The following SPOCK1 variants were observed in gnomAD, a reference collection of about 807,000 sequenced individuals.
SPOCK1 encodes SPARC (osteonectin), cwcv and kazal like domains proteoglycan 1.
Under a neutral mutation model 55.3 loss-of-function variants are expected in SPOCK1, and 23 were observed. The ratio of observed to expected loss-of-function variants is 0.42; its 90% CI spans 0.30 to 0.59. SPOCK1 has a LOEUF of 0.59. SPOCK1 is among the 20% of genes least tolerant of loss of function. The pLI is 0.22. For missense variants in SPOCK1, 499 were observed against 552.5 expected (o/e 0.90, Z 0.97); for synonymous variants, 226 against 221.0 (o/e 1.02, Z -0.20).
At chr5:137,323,531 T>C (rs2127147976) in intron 2 of SPOCK1, among the ~76,000 whole-genome samples, 1 of 151,514 alleles carries the variant, frequency 6.6e-6, no homozygotes, top group Non-Finnish European at 1.5e-5. Flanking sequence ...AAACAAACAT[T>C]GACATGACAT....
chr5:137,446,709 G>T (rs1030284895), intron 2 of SPOCK1, among the ~76,000 whole-genome samples: 1 of 152,126 alleles, frequency 6.6e-6, no homozygotes. Flanking sequence ...TAAGTTTACA[G>T]TTCACTACTG....
chr5:137,418,402 C>A (rs1321978822), intron 2 of SPOCK1, among the ~76,000 whole-genome samples: 2 of 152,160 alleles, frequency 1.3e-5, no homozygotes, highest in African/African-American at 4.8e-5. Flanking sequence ...AATGGTTGAA[C>A]TAGTTTACAG....
intron 6 of SPOCK1, among the ~76,000 whole-genome samples, chr5:137,014,321 C>G (rs753816418): frequency 1.3e-5 from 2 of 152,162 alleles, no homozygotes; most frequent in Non-Finnish European, 2.9e-5. Context: ...CGTGAGCCAA[C>G]TCAACCTCTT....
At chr5:137,295,733 A>C (rs1431739108) in intron 2 of SPOCK1, among the ~76,000 whole-genome samples, 2 of 152,138 alleles carry the variant, frequency 1.3e-5, no homozygotes. Context: ...AAAAAAAAAA[A>C]ATACATATTA....
intron 3 of SPOCK1, among the ~76,000 whole-genome samples, chr5:137,187,217 C>A (rs1189570068): frequency 6.6e-6 from 1 of 152,198 alleles, no homozygotes; most frequent in Non-Finnish European, 1.5e-5. Flanking sequence ...AGACATTTCT[C>A]TAGGCCCGAC....
At chr5:137,381,129 G>T (rs1375416720) in intron 2 of SPOCK1, among the ~76,000 whole-genome samples, 2 of 152,138 alleles carry the variant, frequency 1.3e-5, no homozygotes, top group Non-Finnish European at 2.9e-5. Flanking sequence ...GAGCAGGGCA[G>T]TAATTACATC....
At chr5:137,483,091 G>A (rs1227669208) in intron 2 of SPOCK1, among the ~76,000 whole-genome samples, 1 of 152,210 alleles carries the variant, frequency 6.6e-6, no homozygotes, top group African/African-American at 2.4e-5. Context: ...CCAGCACTTT[G>A]GAAGGCCGAG....
intron 6 of SPOCK1, among the ~76,000 whole-genome samples, chr5:136,996,874 C>G (rs1561574744): frequency 6.6e-6 from 1 of 152,076 alleles, no homozygotes; most frequent in African/African-American, 2.4e-5. Flanking sequence ...CAGCGGCAAC[C>G]CTCTCGGTTC....
At chr5:137,346,522 A>G (rs77261418) in intron 2 of SPOCK1, among the ~76,000 whole-genome samples, 5,345 of 152,350 alleles carry the variant, frequency 0.035, 109 homozygotes, top group South Asian at 0.045. Flanking sequence ...GTGAATGCAC[A>G]GCCTTTTCTA....
rs532062956 is a variant in SPOCK1 at position 137,456,052 on chromosome 5, AAGG to A, written c.186+42318_186+42320del. On this transcript the variant is annotated intron_variant, in intron 2 of 10. Coordinates refer to ENST00000394945, the MANE Select transcript of SPOCK1 (RefSeq NM_004598.4). ...CTAAAATGGAGGAGGAAGAAGAAAA[AAGG>A]AGGAGAAGGAAGAAAGAAGAAAAAG... is the stretch of plus-strand genomic sequence containing the variant. 3.4e-4 allele frequency among the ~76,000 whole-genome samples: 51 copies of A among 152,164 alleles called. No individual in the cohort carries two copies. In the East Asian group the frequency reaches 9.7e-3, roughly 29 times the overall value.
At chr5:137,317,445 A>G (rs1757898435) in intron 2 of SPOCK1, among the ~76,000 whole-genome samples, 1 of 152,178 alleles carries the variant, frequency 6.6e-6, no homozygotes, top group Non-Finnish European at 1.5e-5. Context: ...GACACTGGAG[A>G]GGACATGGGC....
rs192337490 is a variant in SPOCK1, at chr5:137,030,434, C to T, written c.589+37281G>A. Among the ~76,000 whole-genome samples, 10 of 152,202 alleles carry T rather than the reference C, an allele frequency of 6.6e-5. No homozygotes were observed. The East Asian group carries it at 7.7e-4, about 12-fold the overall frequency. On this transcript the variant is annotated intron_variant, in intron 6 of 10. Transcript: ENST00000394945. ...AAACAAGGCCTCTAAGTACAAAGGA[C>T]GCAAATGGCAATTTACAAAGGAAGG...
intron 2 of SPOCK1, among the ~76,000 whole-genome samples, chr5:137,338,641 TAA>T (rs1750343565): frequency 1.3e-5 from 2 of 151,692 alleles, no homozygotes; most frequent in African/African-American, 2.4e-5. Context: ...ACCAACAGTG[TAA>T]AAGTGTTCCT....
At chr5:137,052,277 C>T (rs1234745308) in intron 6 of SPOCK1, among the ~76,000 whole-genome samples, 1 of 152,166 alleles carries the variant, frequency 6.6e-6, no homozygotes, top group African/African-American at 2.4e-5. Context: ...TTTGTTTAAA[C>T]CACTGTTATT....
intron 5 of SPOCK1, among the ~76,000 whole-genome samples, chr5:137,081,617 A>T (rs1752878958): frequency 6.6e-6 from 1 of 152,232 alleles, no homozygotes; most frequent in Non-Finnish European, 1.5e-5. Context: ...GTATGTCCAT[A>T]AGAGCCAACA....
intron 3 of SPOCK1, among the ~76,000 whole-genome samples, chr5:137,205,789 T>C (rs1245138874): frequency 6.6e-6 from 1 of 152,024 alleles, no homozygotes; most frequent in Non-Finnish European, 1.5e-5. Flanking sequence ...ACAGTGGAAT[T>C]AAAGAAAAAA....
chr5:137,156,655 A>AAAGGT (rs1048322428), intron 3 of SPOCK1, among the ~76,000 whole-genome samples: 5 of 152,152 alleles, frequency 3.3e-5, no homozygotes, highest in African/African-American at 1.2e-4. Context: ...CAGGCCTGTG[A>AAAGGT]AAGGTATCTG....
At chr5:137,382,234 T>A (rs1420857867) in intron 2 of SPOCK1, among the ~76,000 whole-genome samples, 1 of 152,238 alleles carries the variant, frequency 6.6e-6, no homozygotes, top group Non-Finnish European at 1.5e-5. Context: ...AGCCTGGACA[T>A]CACTGTCCAT....
At chr5:137,049,037 A>T (rs1218294570) in intron 6 of SPOCK1, among the ~76,000 whole-genome samples, 1 of 139,256 alleles carries the variant, frequency 7.2e-6, no homozygotes, top group Non-Finnish European at 1.5e-5. Flanking sequence ...CTTTCCTTTG[A>T]GGGTAACCCG....
Sources: allele counts gnomAD v4.1 joint callset (sites outside exome capture counted in the v4.1 genomes callset), GRCh38; gene constraint gnomAD v4.1.1; transcripts MANE v1.5; gene names NCBI Gene and HGNC (gene_info 2026-07-23, HGNC 2026-07-21).